IL1RAPL1: variants seen among roughly 807,000 people sequenced by gnomAD.
IL1RAPL1 encodes the protein interleukin-1 receptor accessory protein-like 1.
In IL1RAPL1, 3 loss-of-function variants were observed where a neutral mutation model predicts 48.4. That is an observed-to-expected ratio of 0.06 (90% CI 0.03 to 0.16). The LOEUF is 0.16. Ranked by LOEUF, IL1RAPL1 falls within the 10% of genes least tolerant of loss-of-function variation. The probability of loss-of-function intolerance (pLI) is 1.00; values close to 1 mark genes in which losing one functional copy is unlikely to be tolerated. For missense variants in IL1RAPL1, 349 were observed against 530.6 expected, an observed-to-expected ratio of 0.66 and a Z score of 3.36; for synonymous variants, 185 against 187.7, an observed-to-expected ratio of 0.99 and a Z score of 0.12.
intron 6 of IL1RAPL1, among the ~76,000 whole-genome samples, chrX:29,883,271 G>A (rs767932330): frequency 2.7e-5 from 3 of 110,077 alleles, no homozygotes; most frequent in Non-Finnish European, 3.8e-5. Context: ...ATTGACCACC[G>A]AGCACAACCT....
chrX:29,757,013 G>A (rs376108134), intron 6 of IL1RAPL1, among the ~76,000 whole-genome samples: 1 of 111,186 alleles, frequency 9.0e-6, no homozygotes, highest in African/African-American at 3.3e-5. Context: ...AAGCTAAGAA[G>A]AGGCAAGGAA....
In IL1RAPL1 at chrX:29,854,214, C is replaced by T. The variant is rs188345551; in HGVS notation, c.779-63250C>T. Among the ~76,000 whole-genome samples, 959 of 111,656 alleles carry T rather than the reference C, an allele frequency of 8.6e-3. 10 individuals are homozygous for T. The highest frequency in any genetic ancestry group is 0.028 in the African/African-American group (874 of 30,722). On this transcript the variant is annotated intron_variant, in intron 6 of 10. Transcript: ENST00000378993. ...TTAAGGCTCTTTTTACTGGCTTGAG[C>T]AGCTTACAAAAGAGAGAAAAATGTA... is the stretch of plus-strand genomic sequence containing the variant.
intron 6 of IL1RAPL1, among the ~76,000 whole-genome samples, chrX:29,835,898 T>TTGTTTTTTTTTTTTTTTTTTTTTTTTTTC (rs751809384): frequency 9.8e-6 from 1 of 101,625 alleles, no homozygotes; most frequent in African/African-American, 3.8e-5. Flanking sequence ...TTTTTTTTTT[T>TTGTTTTTTTTTTTTTTTTTTTTTTTTTTC]AGTTAGTTAG....
intron 2 of IL1RAPL1, among the ~76,000 whole-genome samples, chrX:28,946,200 A>G (rs1033773891): frequency 1.8e-5 from 2 of 110,525 alleles, no homozygotes; most frequent in Non-Finnish European, 1.9e-5. Flanking sequence ...AAAGCAGTCA[A>G]ATTTCTAAAG....
intron 5 of IL1RAPL1, among the ~76,000 whole-genome samples, chrX:29,650,484 ATT>A (rs200699886): frequency 6.7e-5 from 7 of 104,384 alleles, no homozygotes; most frequent in East Asian, 2.9e-4. Context: ...CAGCTAACTC[ATT>A]TTTTTTTTTT....
At position 28,745,937 on chromosome X, in the gene IL1RAPL1, C is replaced by T. The variant is rs146711682; in HGVS notation, c.-24-43383C>T. 9.0e-3 allele frequency among the ~76,000 whole-genome samples: 1,002 copies of T among 111,653 alleles called. 10 individuals carry two copies. The highest frequency in any genetic ancestry group is 0.031 in the African/African-American group (953 of 30,809). On this transcript the variant is annotated intron_variant, in intron 1 of 10. Transcript: ENST00000378993. ...CATGTTGGGGAAGAAAACTTTCATA[C>T]TAGGACAAACTTTTTTTTAAGAAAA...
At chrX:28,690,584 T>C (rs892583143) in intron 1 of IL1RAPL1, among the ~76,000 whole-genome samples, 1 of 110,984 alleles carries the variant, frequency 9.0e-6, no homozygotes, top group Non-Finnish European at 1.9e-5. Flanking sequence ...TACTCTAAAC[T>C]ATAGGACCGT....
At chrX:29,232,953 C>T (rs948240404) in intron 2 of IL1RAPL1, among the ~76,000 whole-genome samples, 8 of 109,350 alleles carry the variant, frequency 7.3e-5, no homozygotes, top group East Asian at 5.8e-4. Context: ...CACCCGCCAC[C>T]GCACCCAGCT....
intron 1 of IL1RAPL1, among the ~76,000 whole-genome samples, chrX:28,690,834 T>C (rs1281309659): frequency 9.0e-6 from 1 of 111,082 alleles, no homozygotes; most frequent in Non-Finnish European, 1.9e-5. Flanking sequence ...ACCATACCAA[T>C]AATTAAAACC....
At chrX:29,348,696 T>C (rs1370011449) in intron 3 of IL1RAPL1, among the ~76,000 whole-genome samples, 1 of 111,968 alleles carries the variant, frequency 8.9e-6, no homozygotes, top group Non-Finnish European at 1.9e-5. Context: ...TTCTTGTCTT[T>C]AAATGAATGG....
intron 6 of IL1RAPL1, among the ~76,000 whole-genome samples, chrX:29,828,761 A>G (rs1047547165): frequency 1.3e-4 from 14 of 111,736 alleles, no homozygotes; most frequent in African/African-American, 2.6e-4. Flanking sequence ...ATAAAATTCT[A>G]TGCAGAATGT....
intron 6 of IL1RAPL1, among the ~76,000 whole-genome samples, chrX:29,704,215 C>G (rs1569149954): frequency 9.0e-6 from 1 of 111,131 alleles, no homozygotes; most frequent in African/African-American, 3.3e-5. Flanking sequence ...CAGATGTGAC[C>G]CACAGTGCCT....
At chrX:28,975,565 T>A (rs751117187) in intron 2 of IL1RAPL1, among the ~76,000 whole-genome samples, 1 of 112,254 alleles carries the variant, frequency 8.9e-6, no homozygotes, top group African/African-American at 3.2e-5. Flanking sequence ...ACTTTCTAAC[T>A]GTTTTCTTTC....
chrX:29,389,608 C>A (rs1159320577), intron 3 of IL1RAPL1, among the ~76,000 whole-genome samples: 1 of 110,813 alleles, frequency 9.0e-6, no homozygotes, highest in Non-Finnish European at 1.9e-5. Context: ...ATTGTATATG[C>A]CTAGGCCTTC....
At chrX:29,029,764 C>A (rs1243790013) in intron 2 of IL1RAPL1, among the ~76,000 whole-genome samples, 1 of 111,786 alleles carries the variant, frequency 8.9e-6, no homozygotes, top group African/African-American at 3.2e-5. Flanking sequence ...CTTATCAATT[C>A]TTTCTTTGAT....
chrX:28,949,568 G>A (rs768389951), intron 2 of IL1RAPL1, among the ~76,000 whole-genome samples: 1 of 111,645 alleles, frequency 9.0e-6, no homozygotes, highest in African/African-American at 3.2e-5. Context: ...GAAAAAATTT[G>A]TCCCTATTTC....
chrX:29,037,827 T>G (rs776584307), intron 2 of IL1RAPL1, among the ~76,000 whole-genome samples: 1 of 112,004 alleles, frequency 8.9e-6, no homozygotes, highest in South Asian at 3.7e-4. Context: ...CCTGTTCTCA[T>G]TGTTCATCTA....
chrX:29,123,600 A>AT (rs1357797612), intron 2 of IL1RAPL1, among the ~76,000 whole-genome samples: 1 of 111,884 alleles, frequency 8.9e-6, no homozygotes, highest in Non-Finnish European at 1.9e-5. Context: ...TTATAGCATG[A>AT]TTTTTTTCCT....
intron 1 of IL1RAPL1, among the ~76,000 whole-genome samples, chrX:28,766,192 TA>T (rs1432623420): frequency 9.0e-6 from 1 of 111,146 alleles, no homozygotes. Flanking sequence ...TTCAATCCTT[TA>T]AAAAGGAACA....
Sources: gnomAD v4.1 joint callset for allele counts (sites outside exome capture counted in the v4.1 genomes callset) on GRCh38, gnomAD v4.1.1 for gene constraint, MANE v1.5 for transcripts, NCBI Gene and HGNC (gene_info 2026-07-23, HGNC 2026-07-21) for gene names.